The following EBPL variants were observed in gnomAD, a reference collection of about 807,000 sequenced individuals.
EBPL encodes emopamil-binding protein-like.
A neutral mutation model predicts 19.0 loss-of-function variants in EBPL; 20 were observed. The ratio of observed to expected loss-of-function variants is 1.05; its 90% confidence interval spans 0.74 to 1.53. EBPL has a LOEUF of 1.53. Among genes scored for constraint, EBPL ranks in the 40% most tolerant of loss-of-function variants. The pLI, the probability that EBPL is intolerant of heterozygous loss-of-function variation, is 0.00. For missense variants in EBPL, 219 were observed against 261.1 expected (o/e 0.84, Z 1.11); for synonymous variants, 107 against 117.0 (o/e 0.91, Z 0.55).
intron 1 of EBPL, among the ~76,000 whole-genome samples, chr13:49,683,130 C>T (rs1277134274): frequency 1.3e-5 from 2 of 152,016 alleles, no homozygotes; most frequent in Non-Finnish European, 2.9e-5. Context: ...TGCACTGCCA[C>T]GCCTGGCTAA....
chr13:49,668,679 A>AT, intron 2 of EBPL: 1 of 372,018 alleles, frequency 2.7e-6, no homozygotes, highest in Non-Finnish European at 5.2e-6. Flanking sequence ...GGTAAAAAAA[A>AT]ATACCTGTTG....
At chr13:49,689,381 G>C (rs942367326) in intron 1 of EBPL, among the ~76,000 whole-genome samples, 4 of 152,002 alleles carry the variant, frequency 2.6e-5, no homozygotes, top group Non-Finnish European at 5.9e-5. Flanking sequence ...ATAGAGTCTT[G>C]CTCTGTTGCC....
chr13:49,680,879 TA>T (rs914933108), intron 1 of EBPL, among the ~76,000 whole-genome samples: 48 of 151,424 alleles, frequency 3.2e-4, no homozygotes, highest in Admixed American at 9.9e-4. Flanking sequence ...ATGTTAAAGT[TA>T]AAAAAAAATT....
intron 1 of EBPL, among the ~76,000 whole-genome samples, chr13:49,683,264 C>A (rs368365979): frequency 1.3e-5 from 2 of 152,032 alleles, no homozygotes; most frequent in African/African-American, 4.8e-5. Flanking sequence ...CCTGAGCTCA[C>A]GCCTGTAATC....
intron 1 of EBPL, among the ~76,000 whole-genome samples, chr13:49,678,531 C>T (rs1437906634): frequency 6.6e-6 from 1 of 152,206 alleles, no homozygotes; most frequent in Non-Finnish European, 1.5e-5. Flanking sequence ...ACCCAGCTCA[C>T]CCTCCACAGC....
chr13:49,686,542 T>G lies in EBPL; in HGVS notation c.171+4712A>C, dbSNP rs1477184330. 3 of 1,289,682 alleles carry G rather than the reference T, an allele frequency of 2.3e-6. No individual in the cohort carries two copies. In the African/African-American group the frequency reaches 4.6e-5, roughly 20 times the overall value. The allele number at this position is 1,289,682 out of a possible 1,614,324, so 79.9% of individuals were successfully genotyped here. ...TATCAGTGTTCTTGAAATTCCATTC[T>G]GTGGATCCCAGGACCCCAGCACTCT... On this transcript the variant is annotated intron_variant, in intron 1 of 3. Transcript: ENST00000242827.
At chr13:49,689,957 C>A (rs895257487) in intron 1 of EBPL, among the ~76,000 whole-genome samples, 1 of 152,046 alleles carries the variant, frequency 6.6e-6, no homozygotes, top group Middle Eastern at 3.2e-3. Flanking sequence ...TGAGACCAGT[C>A]TGGCCAACAT....
chr13:49,671,998 C>A (rs1355634061), intron 1 of EBPL, among the ~76,000 whole-genome samples: 1 of 152,050 alleles, frequency 6.6e-6, no homozygotes, highest in Admixed American at 6.6e-5. Flanking sequence ...CTTCAAGAAA[C>A]CTTCTTTGAC....
At chr13:49,683,485 C>T (rs990572664) in intron 1 of EBPL, among the ~76,000 whole-genome samples, 6 of 151,962 alleles carry the variant, frequency 3.9e-5, no homozygotes, top group Non-Finnish European at 8.8e-5. Flanking sequence ...GAGCCGATCG[C>T]ACCACTGCAC....
At chr13:49,689,140 T>C (rs1954033014) in intron 1 of EBPL, among the ~76,000 whole-genome samples, 1 of 152,142 alleles carries the variant, frequency 6.6e-6, no homozygotes, top group Non-Finnish European at 1.5e-5. Context: ...TGAAAAAATG[T>C]GGGTCTTAGA....
chr13:49,673,962 T>TACACACACACACACTCACACAC (rs1953846915), intron 1 of EBPL, among the ~76,000 whole-genome samples: 1 of 143,270 alleles, frequency 7.0e-6, no homozygotes, highest in Admixed American at 7.2e-5. Flanking sequence ...TGGAACTTAA[T>TACACACACACACACTCACACAC]ACACACACAC....
At chr13:49,683,808 T>C (rs1448677354) in intron 1 of EBPL, among the ~76,000 whole-genome samples, 5 of 152,224 alleles carry the variant, frequency 3.3e-5, no homozygotes, top group Middle Eastern at 3.4e-3. Context: ...CAGTTTCTAC[T>C]AAACTGAAAG....
At chr13:49,661,312 T>A (rs996182200) in intron 3 of EBPL, 104 bp from the exon 4 acceptor site, 2 of 943,934 alleles carry the variant, frequency 2.1e-6, no homozygotes, top group Non-Finnish European at 3.3e-6. Flanking sequence ...GTCTTCGCTA[T>A]GAAAACCGTC....
At chr13:49,688,881 A>G (rs999968822) in intron 1 of EBPL, among the ~76,000 whole-genome samples, 1 of 152,184 alleles carries the variant, frequency 6.6e-6, no homozygotes, top group Non-Finnish European at 1.5e-5. Flanking sequence ...AAGCAAAGAC[A>G]ACATGGGCAT....
Position 49,661,199 on chromosome 13 carries a change from C to T in EBPL, c.390G>A (p.Leu130=), listed in dbSNP as rs780870144. 12 of 1,611,036 alleles carry T rather than the reference C, an allele frequency of 7.4e-6. No individual in the cohort carries two copies. In the South Asian group the frequency reaches 1.2e-4, roughly 16 times the overall value. Residue 130 remains leucine, a synonymous_variant, in exon 4 of 4, where the codon CTG becomes CTA. Transcript: ENST00000242827. The stretch of plus-strand genomic sequence containing the variant: ...GCTCGCACACGCACAGGGTGATCTG[C>T]AGGAAATGCCTGTTGGAGAGAAAGA... ...IVKEKYYRHF[L]QITLCVCELY...
chr13:49,675,920 G>T (rs1594411235), intron 1 of EBPL, among the ~76,000 whole-genome samples: 1 of 151,922 alleles, frequency 6.6e-6, no homozygotes, highest in East Asian at 1.9e-4. Flanking sequence ...GGGTGTGAAG[G>T]AGTATCTCAC....
chr13:49,664,109 G>C (rs551032478), intron 2 of EBPL, among the ~76,000 whole-genome samples: 93 of 151,964 alleles, frequency 6.1e-4, no homozygotes, highest in African/African-American at 1.7e-3. Context: ...AAAAGTAGCT[G>C]GGCGTGGTGG....
chr13:49,675,218 C>T (rs749272130), intron 1 of EBPL, among the ~76,000 whole-genome samples: 8 of 152,170 alleles, frequency 5.3e-5, no homozygotes, highest in Non-Finnish European at 1.0e-4. Context: ...TTTGCTCCTG[C>T]GTTACAAACC....
Position 49,660,738 on chromosome 13 carries a change from C to A in EBPL, c.*230G>T. 2.3e-6 allele frequency: 1 copy of A among 433,758 alleles called. No homozygotes were observed. Among genetic ancestry groups the A allele is most frequent in the Non-Finnish European group, 4.1e-6 (1 of 246,056 alleles). 26.9% of individuals were successfully genotyped at this position (433,758 alleles called of 1,614,324 possible). Reference sequence around the variant, plus strand: ...GCCAGCCATAAAATGTATAATTAAACATTTTATTATTACAAATTCAAATTT... The same window carrying A: ...GCCAGCCATAAAATGTATAATTAAAAATTTTATTATTACAAATTCAAATTT... On this transcript the variant is annotated 3_prime_UTR_variant, in exon 4 of 4. Coordinates refer to ENST00000242827, the MANE Select transcript of EBPL (RefSeq NM_032565.5).
Sources: allele counts gnomAD v4.1 joint callset (sites outside exome capture counted in the v4.1 genomes callset), GRCh38; gene constraint gnomAD v4.1.1; transcripts MANE v1.5; gene names NCBI Gene and HGNC (gene_info 2026-07-23, HGNC 2026-07-21).